PDE1C: variants seen among roughly 807,000 people sequenced by gnomAD.
The protein encoded by PDE1C is dual specificity calcium/calmodulin-dependent 3',5'-cyclic nucleotide phosphodiesterase 1C.
PDE1C carries 62 observed loss-of-function variants against 93.1 expected under a neutral mutation model. The observed-to-expected ratio is 0.67, with a 90% CI of 0.54 to 0.82. The LOEUF (loss-of-function observed/expected upper bound fraction) is 0.82. Among genes scored for constraint, PDE1C ranks in the 40% least tolerant of loss-of-function variants. PDE1C has a pLI of 0.00. For missense variants in PDE1C, 742 were observed against 884.6 expected, an observed-to-expected ratio of 0.84 and a Z score of 2.04; for synonymous variants, 325 against 310.1, an observed-to-expected ratio of 1.05 and a Z score of -0.50.
At chr7:31,666,256 T>C in the PDE1C span, among the ~76,000 whole-genome samples, 3 of 152,316 alleles carry the variant, frequency 2.0e-5, 1 homozygote, top group African/African-American at 7.2e-5. Flanking sequence ...ACTGAAAAAG[T>C]TAAGGTATAC....
intron 1 of PDE1C, among the ~76,000 whole-genome samples, chr7:32,297,890 GTTCTC>G (rs1160144736): frequency 6.7e-6 from 1 of 149,392 alleles, no homozygotes; most frequent in East Asian, 2.0e-4. Context: ...GAATCTCTCT[GTTCTC>G]TTCTCTCTCT....
intron 1 of PDE1C, among the ~76,000 whole-genome samples, chr7:32,359,385 T>C (rs1784091289): frequency 7.0e-6 from 1 of 142,722 alleles, no homozygotes; most frequent in Non-Finnish European, 1.5e-5. Flanking sequence ...GGTATGTATG[T>C]GTATATTATA....
the PDE1C span, among the ~76,000 whole-genome samples, chr7:31,647,701 GGAA>G: frequency 7.1e-6 from 1 of 140,148 alleles, no homozygotes; most frequent in Non-Finnish European, 1.5e-5. Flanking sequence ...AAAAAGAAGA[GGAA>G]GAAGAAGACG....
chr7:32,140,605 ACT>A (rs1800464261), intron 3 of PDE1C, among the ~76,000 whole-genome samples: 2 of 152,102 alleles, frequency 1.3e-5, no homozygotes, highest in South Asian at 4.2e-4. Flanking sequence ...TGAAGCGGAA[ACT>A]CTACCTCCCA....
chr7:31,866,740 A>G (rs1583675151), intron 6 of PDE1C, among the ~76,000 whole-genome samples: 1 of 152,164 alleles, frequency 6.6e-6, no homozygotes, highest in African/African-American at 2.4e-5. Flanking sequence ...AAAGCAAGGA[A>G]GGAGAGAGAA....
At chr7:32,003,184 A>C (rs1346111305) in intron 2 of PDE1C, among the ~76,000 whole-genome samples, 4 of 152,234 alleles carry the variant, frequency 2.6e-5, no homozygotes, top group Non-Finnish European at 5.9e-5. Context: ...GGAATAAGGA[A>C]ATGTAGACTC....
chr7:32,064,576 C>G (rs1320801372), intron 1 of PDE1C, among the ~76,000 whole-genome samples: 1 of 152,130 alleles, frequency 6.6e-6, no homozygotes, highest in Non-Finnish European at 1.5e-5. Flanking sequence ...TCCAGAATTA[C>G]AATCCTAAAA....
intron 1 of PDE1C, among the ~76,000 whole-genome samples, chr7:32,374,500 A>C (rs1285403821): frequency 6.6e-6 from 1 of 152,222 alleles, no homozygotes. Context: ...TGAGGGTGCC[A>C]AGCAGCATGG....
chr7:31,927,504 G>A (rs1324990526), intron 2 of PDE1C, among the ~76,000 whole-genome samples: 1 of 152,206 alleles, frequency 6.6e-6, no homozygotes, highest in East Asian at 1.9e-4. Flanking sequence ...CTGACTGGGA[G>A]ATACCTCCCA....
At chr7:31,642,783 G>T in the PDE1C span, 1 of 1,614,000 alleles carries the variant, frequency 6.2e-7, no homozygotes, top group Non-Finnish European at 8.5e-7. Flanking sequence ...GTCAGCTAGA[G>T]TCGGATGGGC....
chr7:31,778,279 G>A (rs778554935), intron 16 of PDE1C, among the ~76,000 whole-genome samples: 2 of 152,180 alleles, frequency 1.3e-5, no homozygotes, highest in Non-Finnish European at 2.9e-5. Flanking sequence ...GGCCCCATTA[G>A]GAGGCACTAC....
At chr7:31,676,327 A>G in the PDE1C span, among the ~76,000 whole-genome samples, 1 of 152,058 alleles carries the variant, frequency 6.6e-6, no homozygotes, top group East Asian at 1.9e-4. Flanking sequence ...CATAAAGAAA[A>G]TCTCAATAGA....
chr7:31,878,993 T>G lies in PDE1C; in HGVS notation c.425+3A>C, dbSNP rs375839656. 1 of 1,613,124 alleles carries G rather than the reference T, an allele frequency of 6.2e-7. No individual in the cohort carries two copies. Among genetic ancestry groups the G allele is most frequent in the Non-Finnish European group, 8.5e-7 (1 of 1,179,140 alleles). Reference sequence around the variant, plus strand: ...ACTAAATGACAATGAATGACATCTTTACCTCTCCACAAATATCCCAGCCTG... The same window carrying G: ...ACTAAATGACAATGAATGACATCTTGACCTCTCCACAAATATCCCAGCCTG... On this transcript the variant is annotated splice_donor_region_variant and intron_variant, in intron 4 of 17. Transcript: ENST00000396191.
intron 8 of PDE1C, 147 bp from the exon 9 acceptor site, chr7:31,848,243 C>T (rs1214041359): frequency 1.4e-6 from 1 of 691,710 alleles, no homozygotes; most frequent in Non-Finnish European, 2.4e-6. Context: ...AAAAGCTCAA[C>T]TAACACTACA....
At chr7:32,300,881 A>G (rs552773571), upstream of PDE1C, among the ~76,000 whole-genome samples, 1 of 152,214 alleles carries the variant, frequency 6.6e-6, no homozygotes, top group South Asian at 2.1e-4. Context: ...TCTGCTGCCC[A>G]GGCTGGAGTG....
At chr7:32,320,517 TG>T (rs1190580850) in intron 1 of PDE1C, among the ~76,000 whole-genome samples, 1 of 150,164 alleles carries the variant, frequency 6.7e-6, no homozygotes, top group Non-Finnish European at 1.5e-5. Context: ...AACTTAAAAG[TG>T]GGGGGAAAAA....
At chr7:32,298,559 G>A in intron 1 of PDE1C, 1 of 1,448,368 alleles carries the variant, frequency 6.9e-7, no homozygotes, top group Non-Finnish European at 9.4e-7. Context: ...CGACCCCTGA[G>A]CTCCCCCTGC....
chr7:32,341,703 T>C (rs1783761295), intron 1 of PDE1C, among the ~76,000 whole-genome samples: 1 of 152,086 alleles, frequency 6.6e-6, no homozygotes, highest in African/African-American at 2.4e-5. Flanking sequence ...ACTTTTTCCA[T>C]ATAAGCACCA....
chr7:31,813,690 A>C (rs982038540), intron 15 of PDE1C, among the ~76,000 whole-genome samples: 3 of 152,054 alleles, frequency 2.0e-5, no homozygotes, highest in Non-Finnish European at 4.4e-5. Context: ...TTTTGGGGAA[A>C]AGATGGTGTT....
Sources: allele counts gnomAD v4.1 joint callset (sites outside exome capture counted in the v4.1 genomes callset), GRCh38; gene constraint gnomAD v4.1.1; transcripts MANE v1.5; gene names NCBI Gene and HGNC (gene_info 2026-07-23, HGNC 2026-07-21).